Variants in HSF1 observed in about 807,000 individuals in gnomAD.
HSF1 encodes the protein heat shock factor protein 1.
In HSF1, 32 loss-of-function variants were observed where a neutral mutation model predicts 51.7. The ratio of observed to expected loss-of-function variants is 0.62; its 90% CI spans 0.47 to 0.83. The LOEUF is 0.83. Ranked by LOEUF, HSF1 falls within the 40% of genes least tolerant of loss-of-function variation. The probability of loss-of-function intolerance (pLI) is 0.00; values close to 1 mark genes in which losing one functional copy is unlikely to be tolerated. For missense variants in HSF1, 727 were observed against 717.0 expected, an observed-to-expected ratio of 1.01 and a Z score of -0.16; for synonymous variants, 396 against 309.7, an observed-to-expected ratio of 1.28 and a Z score of -2.92.
In HSF1 at chr8:144,314,575, C is replaced by T. The variant is rs1817099655; in HGVS notation, c.*245C>T. ...GGCTTCACAGCCACACCTGGACTGA[C>T]CCTGCAGGTTGTTCATAGTCAGAAT... On this transcript the variant is annotated 3_prime_UTR_variant, in exon 13 of 13. Coordinates refer to ENST00000528838, the MANE Select transcript of HSF1 (RefSeq NM_005526.4). The T allele has an allele frequency of 7.1e-6, 4 of 560,938 alleles. No homozygotes were observed. Among genetic ancestry groups the T allele is most frequent in the African/African-American group, 1.9e-5 (1 of 53,478 alleles). 34.7% of individuals were successfully genotyped at this position (560,938 alleles called of 1,614,324 possible). A position where few individuals can be genotyped will look rare whatever the true frequency, so the allele number is the denominator to read the frequency against.
chr8:144,304,801 G>A (rs111710619), intron 1 of HSF1, among the ~76,000 whole-genome samples: 2,809 of 149,580 alleles, frequency 0.019, 97 homozygotes, highest in African/African-American at 0.066. Context: ...CATGAGCCAC[G>A]ACACTAAAAT....
At chr8:144,301,694 G>A (rs532428289) in intron 1 of HSF1, among the ~76,000 whole-genome samples, 6 of 152,058 alleles carry the variant, frequency 3.9e-5, no homozygotes, top group South Asian at 2.1e-4. Context: ...GTGAAACCCC[G>A]TCTCTATTGA....
In HSF1 at chr8:144,291,634, C is replaced by G; in HGVS notation, c.-124C>G. On this transcript the variant is annotated 5_prime_UTR_variant, in exon 1 of 13. Coordinates refer to ENST00000528838, the MANE Select transcript of HSF1 (RefSeq NM_005526.4). The surrounding 1 kb of genome is among the most constrained non-coding windows in gnomAD (Gnocchi z 4.1). The stretch of plus-strand genomic sequence containing the variant: ...CAAGATGGCGGCGGCCATGCTGGGC[C>G]CCGGGGCTGTGTGTGCGCAGCGGGC... 1 of 517,554 alleles carries G rather than the reference C, an allele frequency of 1.9e-6. No homozygotes were observed. 32.1% of individuals were successfully genotyped at this position (517,554 alleles called of 1,614,324 possible).
chr8:144,296,188 T>C (rs1815442232), intron 1 of HSF1, among the ~76,000 whole-genome samples: 1 of 152,064 alleles, frequency 6.6e-6, no homozygotes, highest in Admixed American at 6.5e-5. Flanking sequence ...GAGGGGTCCC[T>C]GAAGTAAGGC....
chr8:144,301,527 A>G lies in HSF1; in HGVS notation c.118-7379A>G, dbSNP rs531643215. Among the ~76,000 whole-genome samples, 7 of 152,314 alleles carry G rather than the reference A, an allele frequency of 4.6e-5. No homozygotes were observed. The East Asian group carries it at 9.7e-4, about 21-fold the overall frequency. The stretch of plus-strand genomic sequence containing the variant: ...AACCAAAACCATATCAAGGTACATT[A>G]TATAATCAAAGTGCTGGAACAGGCT... On this transcript the variant is annotated intron_variant, in intron 1 of 12. Coordinates refer to ENST00000528838, the MANE Select transcript of HSF1 (RefSeq NM_005526.4).
chr8:144,312,000 G>A lies in HSF1; in HGVS notation c.898G>A (p.Glu300Lys). ...CAGCCCCCTGGTGCGTGTCAAGGAGGAGCCCCCCAGCCCGCCTCAGAGCCC... is the reference window on the plus strand; with the variant it reads ...CAGCCCCCTGGTGCGTGTCAAGGAGAAGCCCCCCAGCCCGCCTCAGAGCCC... ...SSSPLVRVKE[E>K]PPSPPQSPRV... is the part of the protein sequence containing the mutation. Residue 300 changes from glutamate (E) to lysine (K), a missense_variant, in exon 9 of 13, where the codon GAG becomes AAG. Physicochemically the swap from Glu to Lys is moderately conservative, Grantham distance 56. This residue lies in a region of HSF1 where 470 missense variants were observed against 398.8 expected (regional missense o/e 1.18). Coordinates refer to ENST00000528838, the MANE Select transcript of HSF1 (RefSeq NM_005526.4). The A allele has an allele frequency of 6.3e-7, 1 of 1,596,056 alleles. No homozygotes were observed. The highest frequency in any genetic ancestry group is 8.5e-7 in the Non-Finnish European group (1 of 1,170,574).
At chr8:144,309,646 C>A in intron 3 of HSF1, 55 bp downstream of exon 3, 1 of 1,604,418 alleles carries the variant, frequency 6.2e-7, no homozygotes, top group South Asian at 1.1e-5. Flanking sequence ...CTCTCCCCGC[C>A]CGCCCCTCCC....
chr8:144,292,885 C>G (rs1313237767), intron 1 of HSF1, among the ~76,000 whole-genome samples: 1 of 152,154 alleles, frequency 6.6e-6, no homozygotes, highest in Non-Finnish European at 1.5e-5. Flanking sequence ...CTCCCTGGAC[C>G]TGGGAGGCAG....
At chr8:144,294,850 C>T (rs537482949) in intron 1 of HSF1, among the ~76,000 whole-genome samples, 2 of 152,262 alleles carry the variant, frequency 1.3e-5, no homozygotes, top group Non-Finnish European at 2.9e-5. Flanking sequence ...TGGAGGACAG[C>T]ACAGCCTTGG....
chr8:144,311,114 C>G, intron 4 of HSF1, 60 bp from the exon 5 acceptor site: 3 of 1,486,578 alleles, frequency 2.0e-6, no homozygotes, highest in Non-Finnish European at 2.7e-6. Context: ...GTCTGTGGGG[C>G]TCCCTCAGCC....
chr8:144,295,785 C>T (rs1815415435), intron 1 of HSF1, among the ~76,000 whole-genome samples: 1 of 151,604 alleles, frequency 6.6e-6, no homozygotes, highest in South Asian at 2.1e-4. Context: ...TAGTCTGGAA[C>T]TCACGGGCTC....
chr8:144,313,184 G>A, intron 9 of HSF1: 1 of 403,932 alleles, frequency 2.5e-6, no homozygotes, highest in Non-Finnish European at 4.6e-6. Flanking sequence ...AGTGCAACGG[G>A]AAACCTCACC....
At chr8:144,293,866 C>T (rs1554840870) in intron 1 of HSF1, among the ~76,000 whole-genome samples, 2 of 150,854 alleles carry the variant, frequency 1.3e-5, no homozygotes, top group South Asian at 2.1e-4. Flanking sequence ...TGTCCTGTCC[C>T]GTAATCTGCT....
rs1277447287 is a variant in HSF1, at chr8:144,301,198, C to T, written c.118-7708C>T. 3.3e-5 allele frequency among the ~76,000 whole-genome samples: 5 copies of T among 152,120 alleles called. No individual in the cohort carries two copies. The East Asian group carries it at 5.8e-4, about 18-fold the overall frequency. ...CTCTGGGAGGCTGACATGGGTGGAT[C>T]GCTTGAGCCCAGGAGTTCAAGACCA... is the stretch of plus-strand genomic sequence containing the variant. On this transcript the variant is annotated intron_variant, in intron 1 of 12. Transcript: ENST00000528838.
In HSF1 at chr8:144,291,604, C is replaced by T. The variant is rs1409404422; in HGVS notation, c.-154C>T. ...GCAGCGGCGGCGGCGGGAGCGCGCC[C>T]GTTGCAAGATGGCGGCGGCCATGCT... is the stretch of plus-strand genomic sequence containing the variant. On this transcript the variant is annotated 5_prime_UTR_variant, in exon 1 of 13. Coordinates refer to ENST00000528838, the MANE Select transcript of HSF1 (RefSeq NM_005526.4). The surrounding 1 kb of genome is among the most constrained non-coding windows in gnomAD (Gnocchi z 4.1). 3.1e-6 allele frequency: 1 copy of T among 322,358 alleles called. No individual in the cohort carries two copies. Among genetic ancestry groups the T allele is most frequent in the East Asian group, 7.5e-5 (1 of 13,418 alleles). The allele number at this position is 322,358 out of a possible 1,614,324, so 20.0% of individuals were successfully genotyped here. A position where few individuals can be genotyped will look rare whatever the true frequency, so the allele number is the denominator to read the frequency against.
rs782680498 is a variant in HSF1, at chr8:144,313,494, G to A, written c.1143-17G>A. The A allele has an allele frequency of 9.0e-6, 14 of 1,559,376 alleles. No individual in the cohort carries two copies. The highest frequency in any genetic ancestry group is 1.7e-4 in the Middle Eastern group (1 of 5,976). On this transcript the variant is annotated splice_polypyrimidine_tract_variant and intron_variant, in intron 9 of 12. Coordinates refer to ENST00000528838, the MANE Select transcript of HSF1 (RefSeq NM_005526.4). Reference sequence around the variant, plus strand: ...GGCCTGGGGCACTGGTTCAGGTACCGCCTTATCCCGGGCCAGGAATGAGCT... The same window carrying A: ...GGCCTGGGGCACTGGTTCAGGTACCACCTTATCCCGGGCCAGGAATGAGCT...
rs556622720 is a variant in HSF1, at chr8:144,301,649, C to G, written c.118-7257C>G. ...TGGGAGGCCAAGGCGGGCGGATCAC[C>G]AGGTCAGGAGGTCGAGACCATCCTG... On this transcript the variant is annotated intron_variant, in intron 1 of 12. Coordinates refer to ENST00000528838, the MANE Select transcript of HSF1 (RefSeq NM_005526.4). 1.3e-4 allele frequency among the ~76,000 whole-genome samples: 20 copies of G among 151,808 alleles called. No individual in the cohort carries two copies. The East Asian group carries it at 1.6e-3, about 12-fold the overall frequency.
chr8:144,296,471 G>A (rs138537211), intron 1 of HSF1, among the ~76,000 whole-genome samples: 15 of 152,270 alleles, frequency 9.9e-5, no homozygotes, highest in East Asian at 5.8e-4. Flanking sequence ...ATGTGTGCCC[G>A]GACCATAGTG....
intron 1 of HSF1, among the ~76,000 whole-genome samples, chr8:144,307,864 C>G (rs571588596): frequency 6.6e-6 from 1 of 152,322 alleles, no homozygotes; most frequent in East Asian, 1.9e-4. Context: ...GCTCCCCGTG[C>G]TACTGTAATT....
Sources: gnomAD v4.1 joint callset for allele counts (sites outside exome capture counted in the v4.1 genomes callset) on GRCh38, gnomAD v4.1.1 for gene constraint, gnomAD v4.1.1 regional missense constraint, Gnocchi (gnomAD v3.1) non-coding constraint, MANE v1.5 for transcripts, NCBI Gene and HGNC (gene_info 2026-07-23, HGNC 2026-07-21) for gene names.